NAV3: variants seen among roughly 807,000 people sequenced by gnomAD.
The protein encoded by NAV3 is pore membrane and/or filament interacting like protein 1.
Under a neutral mutation model 244.7 loss-of-function variants are expected in NAV3, and 87 were observed. The observed-to-expected ratio is 0.36, with a 90% CI of 0.30 to 0.42. The LOEUF (loss-of-function observed/expected upper bound fraction) is 0.42, where lower values mean the gene tolerates loss of function less well. NAV3 is among the 20% of genes least tolerant of loss of function. NAV3 has a pLI of 1.00. For missense variants in NAV3, 2,663 were observed against 2,893.3 expected (o/e 0.92, Z 1.83); for synonymous variants, 1,126 against 1,042.2 (o/e 1.08, Z -1.55).
At position 78,199,546 on chromosome 12, in the gene NAV3, T is replaced by G. The variant is rs1204564131; in HGVS notation, c.6715+15T>G. The stretch of plus-strand genomic sequence containing the variant: ...CGTTACCATTGGTGAGTTCCAAAAT[T>G]ATAATATGCCATTTTCCAGGAACTA... On this transcript the variant is annotated intron_variant, in intron 37 of 39. Coordinates refer to ENST00000397909, the MANE Select transcript of NAV3 (RefSeq NM_001024383.2). 1 of 1,546,062 alleles carries G rather than the reference T, an allele frequency of 6.5e-7. No individual in the cohort carries two copies. The highest frequency in any genetic ancestry group is 8.7e-7 in the Non-Finnish European group (1 of 1,150,200).
chr12:77,783,694 G>A (rs1247409137), intron 2 of NAV3: 1 of 152,188 alleles, frequency 6.6e-6, no homozygotes, highest in East Asian at 1.9e-4. Context: ...TTATAAGAGC[G>A]AGAATATTTT....
chr12:77,900,880 C>G (rs1208980263), intron 1 of NAV3, among the ~76,000 whole-genome samples: 1 of 152,062 alleles, frequency 6.6e-6, no homozygotes, highest in Non-Finnish European at 1.5e-5. Flanking sequence ...TTCTCTGCAG[C>G]CTTGCTAGCA....
intron 12 of NAV3, among the ~76,000 whole-genome samples, chr12:78,107,323 C>T (rs1954852971): frequency 6.6e-6 from 1 of 151,902 alleles, no homozygotes; most frequent in Admixed American, 6.6e-5. Context: ...TTAGAAAACC[C>T]ACTTAATTAA....
At chr12:77,949,172 T>C (rs908759338) in intron 3 of NAV3, among the ~76,000 whole-genome samples, 15 of 152,130 alleles carry the variant, frequency 9.9e-5, no homozygotes, top group Admixed American at 5.9e-4. Flanking sequence ...GGGAAATCAT[T>C]ACATAAAAAC....
chr12:78,197,301 G>A lies in NAV3; in HGVS notation c.6346G>A (p.Gly2116Arg). The change falls in exon 35 of 40, where the codon GGA becomes AGA. Residue 2116 changes from glycine (G) to arginine (R), a missense_variant. Transcript: ENST00000397909. ...LAEQCSADNN[G>R]VELPVVIILD... ...TGAACAGTGCAGTGCTGATAATAATGGAGTGGAGCTCCCAGTTGTAATAAT... is the reference window on the plus strand; with the variant it reads ...TGAACAGTGCAGTGCTGATAATAATAGAGTGGAGCTCCCAGTTGTAATAAT... 2 of 1,608,900 alleles carry A rather than the reference G, an allele frequency of 1.2e-6. No individual in the cohort carries two copies. Among genetic ancestry groups the A allele is most frequent in the Non-Finnish European group, 1.7e-6 (2 of 1,176,930 alleles).
intron 3 of NAV3, among the ~76,000 whole-genome samples, chr12:77,958,061 GGTAA>G (rs935754912): frequency 1.8e-4 from 27 of 152,160 alleles, no homozygotes; most frequent in Non-Finnish European, 4.4e-5. Context: ...AAAATACACT[GGTAA>G]GTGTCTTGAG....
At chr12:77,916,617 C>T (rs1051786784) in intron 1 of NAV3, among the ~76,000 whole-genome samples, 1 of 151,912 alleles carries the variant, frequency 6.6e-6, no homozygotes, top group African/African-American at 2.4e-5. Context: ...GGTATTTTAA[C>T]CTATGAATGG....
chr12:77,835,425 G>T (rs1874460557), intron 1 of NAV3, among the ~76,000 whole-genome samples: 1 of 152,160 alleles, frequency 6.6e-6, no homozygotes, highest in South Asian at 2.1e-4. Context: ...TTATGATCTG[G>T]TTTGAGAGAA....
intron 2 of NAV3, among the ~76,000 whole-genome samples, chr12:77,759,541 C>T (rs1054917505): frequency 1.3e-5 from 2 of 152,176 alleles, no homozygotes; most frequent in South Asian, 2.1e-4. Context: ...ATATTGTCCT[C>T]CGATGCCTAG....
intron 2 of NAV3, among the ~76,000 whole-genome samples, chr12:77,697,718 T>G (rs1299312946): frequency 3.3e-5 from 5 of 152,154 alleles, no homozygotes; most frequent in African/African-American, 1.2e-4. Context: ...AAATGAAATT[T>G]TATTCCTGAC....
At chr12:78,026,854 C>T (rs961067033) in intron 9 of NAV3, among the ~76,000 whole-genome samples, 12 of 151,864 alleles carry the variant, frequency 7.9e-5, no homozygotes, top group South Asian at 2.1e-4. Context: ...ATGAGAACTA[C>T]GCTAAAAAAG....
chr12:77,859,758 C>CAAAAAAAAAAAA (rs61516625), intron 1 of NAV3, among the ~76,000 whole-genome samples: 73 of 68,706 alleles, frequency 1.1e-3, no homozygotes, highest in Middle Eastern at 0.013. Flanking sequence ...CTTTCAAATG[C>CAAAAAAAAAAAA]AAAAAAAAAA....
chr12:77,652,196 T>C (rs1012721554), intron 2 of NAV3, among the ~76,000 whole-genome samples: 3 of 152,198 alleles, frequency 2.0e-5, no homozygotes, highest in Non-Finnish European at 4.4e-5. Flanking sequence ...CCCAATATCA[T>C]AAATATCTCC....
At position 77,851,029 on chromosome 12, in the gene NAV3, C is replaced by T. The variant is rs147499602; in HGVS notation, c.243+19325C>T. ...CTTTTGGATTCATAGACATCGGATA[C>T]GCTGTCTCAAGCCATATCTACCTAA... On this transcript the variant is annotated intron_variant, in intron 1 of 39. Transcript: ENST00000397909. 1.8e-3 allele frequency among the ~76,000 whole-genome samples: 279 copies of T among 152,292 alleles called. 1 individual carries two copies. Among genetic ancestry groups the T allele is most frequent in the African/African-American group, 6.4e-3 (266 of 41,556 alleles).
At chr12:77,869,218 A>T (rs1347452988) in intron 1 of NAV3, among the ~76,000 whole-genome samples, 1 of 148,444 alleles carries the variant, frequency 6.7e-6, no homozygotes, top group Non-Finnish European at 1.5e-5. Flanking sequence ...GAATTGCCTA[A>T]CCTAAGCCTT....
At position 77,593,627 on chromosome 12, in the gene NAV3, G is replaced by A. The variant is rs535415993; in HGVS notation, c.72+21361G>A. On this transcript the variant is annotated intron_variant, in intron 2 of 8. Transcript: ENST00000550042. ...ACCATGCCCAGCACCTGTAATCCCA[G>A]CTACTTTTTTTTTTTTTTTTGTATT... 4.6e-3 allele frequency among the ~76,000 whole-genome samples: 586 copies of A among 127,200 alleles called. 3 individuals are homozygous for A. The highest frequency in any genetic ancestry group is 0.017 in the African/African-American group (572 of 33,784). The allele number at this position is 127,200 out of a possible 152,430, so 83.4% of individuals were successfully genotyped here.
At chr12:77,987,288 G>A (rs1297795769) in intron 5 of NAV3, among the ~76,000 whole-genome samples, 2 of 152,112 alleles carry the variant, frequency 1.3e-5, no homozygotes, top group Non-Finnish European at 2.9e-5. Context: ...ACAGCTTATG[G>A]AATGTTAACA....
intron 2 of NAV3, among the ~76,000 whole-genome samples, chr12:77,762,902 T>C (rs952767808): frequency 4.6e-5 from 7 of 152,338 alleles, no homozygotes; most frequent in Non-Finnish European, 7.4e-5. Flanking sequence ...TTCCAGTGGC[T>C]CTCTGAGAGG....
intron 7 of NAV3, among the ~76,000 whole-genome samples, chr12:78,005,885 A>G (rs1194135794): frequency 1.3e-5 from 2 of 152,212 alleles, no homozygotes; most frequent in African/African-American, 4.8e-5. Flanking sequence ...TATTATATTC[A>G]TTATAGAATA....
Sources: allele counts gnomAD v4.1 joint callset (sites outside exome capture counted in the v4.1 genomes callset), GRCh38; gene constraint gnomAD v4.1.1; transcripts MANE v1.5; gene names NCBI Gene and HGNC (gene_info 2026-07-23, HGNC 2026-07-21).